CFAP69: variants seen among roughly 807,000 people sequenced by gnomAD.
CFAP69 encodes the protein cilia and flagella associated protein 69, also known as cilia- and flagella-associated protein 69.
In CFAP69, 92 loss-of-function variants were observed where a neutral mutation model predicts 123.0. The observed-to-expected ratio is 0.75, with a 90% CI of 0.63 to 0.89. CFAP69 has a LOEUF of 0.89. Among genes scored for constraint, CFAP69 ranks in the 40% least tolerant of loss-of-function variants. CFAP69 has a pLI of 0.00. For synonymous variants in CFAP69, 380 were observed against 364.3 expected, an observed-to-expected ratio of 1.04 and a Z score of -0.49; for missense variants, 1,067 against 1,096.9, an observed-to-expected ratio of 0.97 and a Z score of 0.39.
intron 15 of CFAP69, among the ~76,000 whole-genome samples, chr7:90,296,585 C>T (rs1792014646): frequency 6.6e-6 from 1 of 151,882 alleles, no homozygotes; most frequent in African/African-American, 2.4e-5. Flanking sequence ...CCCTCAGCCT[C>T]CCAAAGTGCT....
chr7:90,284,251 C>T (rs577293030), intron 13 of CFAP69, among the ~76,000 whole-genome samples: 1 of 151,682 alleles, frequency 6.6e-6, no homozygotes, highest in Admixed American at 6.6e-5. Flanking sequence ...TTGAGTCTAA[C>T]ATGGCTGTGT....
intron 1 of CFAP69, among the ~76,000 whole-genome samples, chr7:90,247,110 A>C (rs1796425855): frequency 6.6e-6 from 1 of 152,204 alleles, no homozygotes; most frequent in South Asian, 2.1e-4. Context: ...AAGAAATAGA[A>C]TAGGAACTTT....
intron 15 of CFAP69, among the ~76,000 whole-genome samples, chr7:90,292,751 A>G (rs1185486558): frequency 6.6e-6 from 1 of 152,214 alleles, no homozygotes; most frequent in Non-Finnish European, 1.5e-5. Context: ...AAGTTAAAAA[A>G]GATGATTTTA....
intron 1 of CFAP69, among the ~76,000 whole-genome samples, chr7:90,253,359 G>A (rs1797250539): frequency 6.6e-6 from 1 of 151,880 alleles, no homozygotes; most frequent in African/African-American, 2.4e-5. Context: ...TGTTGTTGGG[G>A]TTGTTTGTTT....
intron 11 of CFAP69, among the ~76,000 whole-genome samples, chr7:90,279,446 A>C (rs1562882307): frequency 6.6e-6 from 1 of 152,124 alleles, no homozygotes; most frequent in Non-Finnish European, 1.5e-5. Flanking sequence ...ACAAAAAATT[A>C]ATACATATTT....
At chr7:90,277,450 G>A (rs774329013) in intron 11 of CFAP69, 116 bp downstream of exon 11, 17 of 901,370 alleles carry the variant, frequency 1.9e-5, no homozygotes, top group Non-Finnish European at 2.3e-5. Flanking sequence ...ACAGAAAGCA[G>A]TAAAATCTTA....
intron 1 of CFAP69, among the ~76,000 whole-genome samples, chr7:90,249,734 G>T (rs576633394): frequency 2.0e-4 from 31 of 152,252 alleles, no homozygotes; most frequent in African/African-American, 6.7e-4. Context: ...AGCACATGGG[G>T]ATCTTATTAA....
intron 15 of CFAP69, among the ~76,000 whole-genome samples, chr7:90,295,561 G>A (rs966932925): frequency 6.6e-6 from 1 of 152,168 alleles, no homozygotes; most frequent in Admixed American, 6.5e-5. Flanking sequence ...TAGCCTTTGA[G>A]TCGGGGGTTT....
At chr7:90,254,428 T>C (rs1355126315) in intron 1 of CFAP69, among the ~76,000 whole-genome samples, 1 of 152,152 alleles carries the variant, frequency 6.6e-6, no homozygotes, top group African/African-American at 2.4e-5. Flanking sequence ...CAAATCTTTA[T>C]TAAGCAACTA....
At chr7:90,280,889 T>C (rs1345882532) in intron 12 of CFAP69, among the ~76,000 whole-genome samples, 1 of 152,248 alleles carries the variant, frequency 6.6e-6, no homozygotes, top group African/African-American at 2.4e-5. Flanking sequence ...TGATAGGCTT[T>C]TTATTCTCTA....
At chr7:90,253,447 G>C (rs559802318) in intron 1 of CFAP69, among the ~76,000 whole-genome samples, 32 of 152,330 alleles carry the variant, frequency 2.1e-4, no homozygotes, top group African/African-American at 7.7e-4. Context: ...TTGGAGTGCA[G>C]TGGTGTGATC....
chr7:90,304,760 T>C lies in CFAP69; in HGVS notation c.2205T>C (p.Pro735=). The C allele has an allele frequency of 3.1e-6, 5 of 1,599,814 alleles. No homozygotes were observed. Among genetic ancestry groups the C allele is most frequent in the Non-Finnish European group, 4.3e-6 (5 of 1,172,868 alleles). ...ILGKLDFENL[P]GLSAEDFVTL... is the part of the protein sequence containing the mutation. The stretch of plus-strand genomic sequence containing the variant: ...TTATTTTAGATTTTGAAAATTTACC[T>C]GGCCTATCTGCTGAAGATTTTGTCA... Residue 735 remains proline, a synonymous_variant, in exon 19 of 23, where the codon CCT becomes CCC. Transcript: ENST00000389297.
At chr7:90,309,756 A>C (rs915504311) in intron 22 of CFAP69, among the ~76,000 whole-genome samples, 2 of 152,130 alleles carry the variant, frequency 1.3e-5, no homozygotes, top group Non-Finnish European at 2.9e-5. Context: ...TCAGCTTATA[A>C]TTGTCCTTAT....
At chr7:90,292,310 G>C (rs201718437) in intron 15 of CFAP69, among the ~76,000 whole-genome samples, 1 of 152,026 alleles carries the variant, frequency 6.6e-6, no homozygotes, top group Non-Finnish European at 1.5e-5. Context: ...ATAACTTGGG[G>C]CTCCTGGGCC....
chr7:90,299,894 A>G lies in CFAP69; in HGVS notation c.1885A>G (p.Ile629Val). Reference protein sequence around the residue: ...ALNQKKFCNLILGIMVEFCDN... With the variant: ...ALNQKKFCNLVLGIMVEFCDN... Reference sequence around the variant, plus strand: ...GAACCAAAAAAAATTCTGTAATCTAATACTTGGAATAATGGTTGAATTTTG... The same window carrying G: ...GAACCAAAAAAAATTCTGTAATCTAGTACTTGGAATAATGGTTGAATTTTG... Residue 629 changes from isoleucine (I) to valine (V), a missense_variant, in exon 17 of 23, where the codon ATA becomes GTA. Coordinates refer to ENST00000389297, the MANE Select transcript of CFAP69 (RefSeq NM_001039706.3). The G allele has an allele frequency of 1.2e-6, 2 of 1,608,000 alleles. No individual in the cohort carries two copies. Among genetic ancestry groups the G allele is most frequent in the Non-Finnish European group, 1.7e-6 (2 of 1,177,428 alleles).
intron 1 of CFAP69, among the ~76,000 whole-genome samples, chr7:90,250,187 GGAGAGAGAGAGAGAGAGAGAGA>G (rs10527106): frequency 5.6e-4 from 70 of 125,792 alleles, no homozygotes; most frequent in African/African-American, 1.9e-3. Flanking sequence ...TTTAAAGAGA[GGAGAGAGAGAGAGAGAGAGAGA>G]GAGAGAGAGA....
rs899044444 is a variant in CFAP69, at chr7:90,310,274, A to G, written c.*36A>G. On this transcript the variant is annotated 3_prime_UTR_variant, in exon 23 of 23. Coordinates refer to ENST00000389297, the MANE Select transcript of CFAP69 (RefSeq NM_001039706.3). ...AGACTTTTTGAAATAAAGTCAGCTT[A>G]TAATTTTTTAGCTGAATATATCTTT... The G allele has an allele frequency of 6.0e-6, 9 of 1,503,912 alleles. No individual in the cohort carries two copies. In the Admixed American group the frequency reaches 1.1e-4, roughly 19 times the overall value. 93.2% of individuals were successfully genotyped at this position (1,503,912 alleles called of 1,614,324 possible).
intron 1 of CFAP69, among the ~76,000 whole-genome samples, chr7:90,250,738 A>G (rs528313248): frequency 6.6e-6 from 1 of 152,236 alleles, no homozygotes; most frequent in Non-Finnish European, 1.5e-5. Context: ...TCATTTACCC[A>G]AAATCTTCAA....
intron 13 of CFAP69, among the ~76,000 whole-genome samples, chr7:90,285,294 G>A (rs1412659697): frequency 6.6e-6 from 1 of 152,116 alleles, no homozygotes; most frequent in Non-Finnish European, 1.5e-5. Flanking sequence ...ACCTAGAATA[G>A]TCAGTCGCTC....
Sources: gnomAD v4.1 joint callset for allele counts (sites outside exome capture counted in the v4.1 genomes callset) on GRCh38, gnomAD v4.1.1 for gene constraint, MANE v1.5 for transcripts, NCBI Gene and HGNC (gene_info 2026-07-23, HGNC 2026-07-21) for gene names.